ATF6: variants seen among roughly 807,000 people sequenced by gnomAD.
ATF6 encodes activating transcription factor 6, also known as cyclic AMP-dependent transcription factor ATF-6 alpha.
A neutral mutation model predicts 83.6 loss-of-function variants in ATF6; 53 were observed. The observed-to-expected ratio is 0.63, with a 90% confidence interval of 0.51 to 0.80. The LOEUF is 0.80. Ranked by LOEUF, ATF6 falls within the 30% of genes least tolerant of loss-of-function variation. The probability of loss-of-function intolerance (pLI) is 0.00; values close to 1 mark genes in which losing one functional copy is unlikely to be tolerated. For missense variants in ATF6, 744 were observed against 797.9 expected, an observed-to-expected ratio of 0.93 and a Z score of 0.81; for synonymous variants, 288 against 285.8, an observed-to-expected ratio of 1.01 and a Z score of -0.08.
intron 14 of ATF6, among the ~76,000 whole-genome samples, chr1:161,879,426 C>T (rs1687281241): frequency 1.3e-5 from 2 of 151,976 alleles, no homozygotes; most frequent in Non-Finnish European, 1.5e-5. Context: ...ATTAATAAGA[C>T]ACAGCCCCTG....
chr1:161,944,032 A>G (rs1209573602), intron 15 of ATF6, among the ~76,000 whole-genome samples: 3 of 152,218 alleles, frequency 2.0e-5, no homozygotes, highest in African/African-American at 7.2e-5. Context: ...ATGAAAACAG[A>G]TTAGAAAATA....
At chr1:161,835,252 T>G (rs1686184864) in intron 9 of ATF6, among the ~76,000 whole-genome samples, 1 of 152,118 alleles carries the variant, frequency 6.6e-6, no homozygotes, top group Non-Finnish European at 1.5e-5. Context: ...GATGACATCT[T>G]ATTATGTTGC....
chr1:161,807,865 C>CTTT (rs761462420), intron 7 of ATF6, among the ~76,000 whole-genome samples: 638 of 32,270 alleles, frequency 0.02, 116 homozygotes, highest in African/African-American at 0.047. Context: ...AGTTTGTCAT[C>CTTT]TTTTTTTTTT....
chr1:161,841,584 C>G (rs531446623), intron 9 of ATF6, among the ~76,000 whole-genome samples: 1 of 152,092 alleles, frequency 6.6e-6, no homozygotes, highest in South Asian at 2.1e-4. Context: ...AAATTGAGAC[C>G]CACAGACTAT....
chr1:161,786,058 C>T (rs919026199), intron 4 of ATF6, among the ~76,000 whole-genome samples: 10 of 151,712 alleles, frequency 6.6e-5, no homozygotes, highest in East Asian at 1.9e-4. Context: ...CTGCAACCTC[C>T]GCCTCCTGGC....
chr1:161,818,393 A>G (rs1294706317), intron 7 of ATF6, among the ~76,000 whole-genome samples: 1 of 152,214 alleles, frequency 6.6e-6, no homozygotes, highest in African/African-American at 2.4e-5. Context: ...TCGCTCAGTA[A>G]GTTTCTGTTG....
intron 9 of ATF6, among the ~76,000 whole-genome samples, chr1:161,835,814 T>C (rs1053066241): frequency 1.4e-4 from 22 of 152,204 alleles, no homozygotes; most frequent in African/African-American, 5.3e-4. Context: ...GTTTTCCCCT[T>C]TCTATTTTAA....
At chr1:161,910,875 T>C (rs1404308061) in intron 14 of ATF6, among the ~76,000 whole-genome samples, 3 of 152,154 alleles carry the variant, frequency 2.0e-5, no homozygotes, top group African/African-American at 7.2e-5. Flanking sequence ...TCTAACAGAA[T>C]TTACTCATCT....
At chr1:161,863,756 A>G (rs183500086) in intron 14 of ATF6, among the ~76,000 whole-genome samples, 130 of 152,336 alleles carry the variant, frequency 8.5e-4, no homozygotes, top group African/African-American at 3.0e-3. Context: ...GTTTGGATCT[A>G]TGTTCCTAAG....
intron 15 of ATF6, among the ~76,000 whole-genome samples, chr1:161,913,643 A>G (rs1338990841): frequency 6.6e-6 from 1 of 152,210 alleles, no homozygotes; most frequent in East Asian, 1.9e-4. Context: ...TTCAGTAAAG[A>G]CATACCTTTG....
chr1:161,962,167 A>G lies in ATF6; in HGVS notation c.*3513A>G, dbSNP rs1186689867. The G allele has an allele frequency of 6.6e-6, 1 of 152,118 alleles. No individual in the cohort carries two copies. Among genetic ancestry groups the G allele is most frequent in the Non-Finnish European group, 1.5e-5 (1 of 68,022 alleles). The allele number at this position is 152,118 out of a possible 1,614,324, so 9.4% of individuals were successfully genotyped here. The stretch of plus-strand genomic sequence containing the variant: ...CTACAAGTTCCAGCACAAAACTGGC[A>G]TTTCTTTGCCATTTCTTGCCAGTAA... On this transcript the variant is annotated 3_prime_UTR_variant, in exon 16 of 16. Transcript: ENST00000367942.
Position 161,784,019 on chromosome 1 carries a change from C to G in ATF6, c.277C>G (p.Leu93Val). 6.2e-7 allele frequency: 1 copy of G among 1,613,740 alleles called. No individual in the cohort carries two copies. Among genetic ancestry groups the G allele is most frequent in the Non-Finnish European group, 8.5e-7 (1 of 1,179,712 alleles). The change falls in exon 4 of 16, where the codon CTT becomes GTT. Residue 93 changes from leucine to valine, a missense_variant. Physicochemically the swap from Leu to Val is conservative, Grantham distance 32 (BLOSUM62 1). Transcript: ENST00000367942. ...VKDIKAEPQP[L>V]SPASSSYSVS... ...AGATATTAAGGCAGAACCTCAGCCA[C>G]TTTCTCCAGCCTCCTCAAGTTATTC...
chr1:161,798,473 A>G (rs1571140563), intron 6 of ATF6, among the ~76,000 whole-genome samples: 2 of 152,148 alleles, frequency 1.3e-5, no homozygotes, highest in Admixed American at 1.3e-4. Flanking sequence ...TTAGCCAGGC[A>G]TGGTGGTACA....
intron 14 of ATF6, among the ~76,000 whole-genome samples, chr1:161,911,539 A>G (rs142044118): frequency 5.7e-4 from 87 of 152,340 alleles, no homozygotes; most frequent in African/African-American, 1.7e-3. Flanking sequence ...GGACTATACA[A>G]TTGTGCTAGG....
intron 12 of ATF6, among the ~76,000 whole-genome samples, chr1:161,855,005 T>C (rs1318175241): frequency 6.6e-6 from 1 of 151,660 alleles, no homozygotes; most frequent in East Asian, 1.9e-4. Flanking sequence ...GGGAGAGTGG[T>C]AGATGAGATT....
At chr1:161,951,804 ATCT>A (rs1160804403) in intron 15 of ATF6, among the ~76,000 whole-genome samples, 1 of 152,194 alleles carries the variant, frequency 6.6e-6, no homozygotes, top group East Asian at 1.9e-4. Flanking sequence ...AAAAAAACTC[ATCT>A]TCTGTAATTC....
In ATF6 at chr1:161,860,222, G is replaced by C; in HGVS notation, c.1549G>C (p.Gly517Arg). ...TRILQGALEQ[G>R]SNSQLMAVQY... ...AATATTCCAGGGTGCTCTGGAACAG[G>C]GCTCAAATTCTCAGCTGATGGCTGT... The change falls in exon 13 of 16, where the codon GGC becomes CGC. Residue 517 changes from glycine (G) to arginine (R), a missense_variant. By Grantham distance (125) the Gly-to-Arg change is moderately radical (BLOSUM62 -2). Coordinates refer to ENST00000367942, the MANE Select transcript of ATF6 (RefSeq NM_007348.4). The C allele has an allele frequency of 1.3e-6, 2 of 1,590,848 alleles. No homozygotes were observed. The highest frequency in any genetic ancestry group is 1.7e-6 in the Non-Finnish European group (2 of 1,167,318).
chr1:161,842,270 C>G (rs1362393110), intron 9 of ATF6, among the ~76,000 whole-genome samples: 1 of 152,100 alleles, frequency 6.6e-6, no homozygotes, highest in African/African-American at 2.4e-5. Flanking sequence ...GTAAAGTCAC[C>G]TAGACTAGTA....
chr1:161,805,549 G>A (rs1055050170), intron 7 of ATF6, among the ~76,000 whole-genome samples: 3 of 149,438 alleles, frequency 2.0e-5, no homozygotes, highest in African/African-American at 7.3e-5. Flanking sequence ...GTCTGTCCTA[G>A]CAGCAGGCCA....
Sources: gnomAD v4.1 joint callset for allele counts (sites outside exome capture counted in the v4.1 genomes callset) on GRCh38, gnomAD v4.1.1 for gene constraint, MANE v1.5 for transcripts, NCBI Gene and HGNC (gene_info 2026-07-23, HGNC 2026-07-21) for gene names.